CCDC33: variants seen among roughly 807,000 people sequenced by gnomAD.
The protein encoded by CCDC33 is coiled-coil domain containing 33.
A neutral mutation model predicts 91.9 loss-of-function variants in CCDC33; 94 were observed. The observed-to-expected ratio is 1.02, with a 90% CI of 0.87 to 1.21. The LOEUF (loss-of-function observed/expected upper bound fraction) is 1.21. CCDC33 is among the 50% of genes most tolerant of loss of function. The probability of loss-of-function intolerance (pLI) is 0.00; values close to 1 mark genes in which losing one functional copy is unlikely to be tolerated. For synonymous variants in CCDC33, 396 were observed against 374.5 expected, an observed-to-expected ratio of 1.06 and a Z score of -0.66; for missense variants, 940 against 935.5, an observed-to-expected ratio of 1.00 and a Z score of -0.06.
At chr15:74,280,824 G>A (rs1015237690) in intron 9 of CCDC33, 23 bp downstream of exon 9, 4 of 1,447,462 alleles carry the variant, frequency 2.8e-6, no homozygotes, top group Non-Finnish European at 2.7e-6. Context: ...CCCTGAACTG[G>A]GCCCCTAGCG....
intron 3 of CCDC33, 147 bp from the exon 4 acceptor site, chr15:74,266,529 GAT>G: frequency 1.5e-6 from 1 of 655,636 alleles, no homozygotes; most frequent in Non-Finnish European, 2.8e-6. Flanking sequence ...GCACAGGGGT[GAT>G]CCACACATGT....
intron 11 of CCDC33, among the ~76,000 whole-genome samples, chr15:74,307,882 A>G (rs2059919242): frequency 1.3e-5 from 2 of 152,038 alleles, no homozygotes; most frequent in Admixed American, 6.5e-5. Context: ...AGCCACTCCC[A>G]GGCCCCCACC....
chr15:74,226,458 T>C (rs1383507748), intron 2 of CCDC33, among the ~76,000 whole-genome samples: 1 of 152,102 alleles, frequency 6.6e-6, no homozygotes, highest in Non-Finnish European at 1.5e-5. Context: ...TAACAACCCA[T>C]CCCACAAATG....
chr15:74,241,895 T>C (rs1399345735), intron 1 of CCDC33, among the ~76,000 whole-genome samples: 1 of 152,064 alleles, frequency 6.6e-6, no homozygotes, highest in Admixed American at 6.5e-5. Context: ...ACTAGAACAA[T>C]GGCATCGCCA....
chr15:74,242,825 C>T (rs895239522), intron 1 of CCDC33, among the ~76,000 whole-genome samples: 1 of 152,138 alleles, frequency 6.6e-6, no homozygotes, highest in Non-Finnish European at 1.5e-5. Context: ...GCCGTCTTCT[C>T]TGAGTCCCCA....
At position 74,280,026 on chromosome 15, in the gene CCDC33, C is replaced by T. The variant is rs376118208; in HGVS notation, c.823C>T (p.Arg275Ter). The change falls in exon 8 of 19, where the codon CGA becomes TGA. Residue 275 changes from arginine to a stop codon, truncating the protein, a stop_gained. Transcript: ENST00000398814. LOFTEE classifies it high-confidence loss of function. ...GAATCAGTCCTTCCTCTTCCAAGGC[C>T]GAGATGGAGCTACCAGCTTCTCAGA... ...LWNQSFLFQG[R>*]DGATSFSEDT... 9.3e-6 allele frequency: 15 copies of T among 1,614,062 alleles called. No homozygotes were observed. Among genetic ancestry groups the T allele is most frequent in the African/African-American group, 5.3e-5 (4 of 74,922 alleles).
At chr15:74,298,099 G>A (rs2059723689) in intron 11 of CCDC33, among the ~76,000 whole-genome samples, 1 of 152,228 alleles carries the variant, frequency 6.6e-6, no homozygotes, top group African/African-American at 2.4e-5. Flanking sequence ...GAGTCTGCTG[G>A]GTAAAGCATC....
intron 10 of CCDC33, among the ~76,000 whole-genome samples, chr15:74,282,132 G>C (rs1287410255): frequency 6.6e-6 from 1 of 152,188 alleles, no homozygotes; most frequent in African/African-American, 2.4e-5. Context: ...GCAAGGGTGA[G>C]CTAGGATATC....
rs2060090566 is a variant in CCDC33, at chr15:74,316,479, A to G, written c.1291-13710A>G. 6.6e-6 allele frequency among the ~76,000 whole-genome samples: 1 copy of G among 152,246 alleles called. No homozygotes were observed. Among genetic ancestry groups the G allele is most frequent in the Non-Finnish European group, 1.5e-5 (1 of 68,042 alleles). The stretch of plus-strand genomic sequence containing the variant: ...GAGCAGACTCAATCGATTGGCGCAC[A>G]GCAGGCAGGGGAGGACAGGGCCCCT... On this transcript the variant is annotated intron_variant, in intron 11 of 18. Coordinates refer to ENST00000398814, the MANE Select transcript of CCDC33 (RefSeq NM_025055.5). This position sits in a 1 kb window ranked among gnomAD's most constrained non-coding sequence, Gnocchi z 4.7.
At chr15:74,254,732 T>C (rs2075807777) in intron 2 of CCDC33, among the ~76,000 whole-genome samples, 1 of 149,830 alleles carries the variant, frequency 6.7e-6, no homozygotes, top group Non-Finnish European at 1.5e-5. Context: ...CCTCTGCATC[T>C]CTACCCTCCT....
chr15:74,254,058 A>G (rs2075789638), intron 2 of CCDC33, among the ~76,000 whole-genome samples: 1 of 151,700 alleles, frequency 6.6e-6, no homozygotes, highest in Non-Finnish European at 1.5e-5. Flanking sequence ...TTTGAGATGG[A>G]GTCTCACTCT....
intron 11 of CCDC33, chr15:74,301,810 TCCTGTCTCTCTC>T (rs1430178557): frequency 3.9e-5 from 6 of 152,088 alleles, no homozygotes; most frequent in Non-Finnish European, 8.8e-5. Context: ...TCCCTCCTCT[TCCTGTCTCTCTC>T]CCTGTCTCTC....
intron 10 of CCDC33, among the ~76,000 whole-genome samples, chr15:74,293,787 CTTA>C (rs1335071070): frequency 6.6e-6 from 1 of 152,190 alleles, no homozygotes; most frequent in African/African-American, 2.4e-5. Flanking sequence ...TTCCAAGAGT[CTTA>C]TTATAGCTGC....
intron 16 of CCDC33, 190 bp downstream of exon 16, chr15:74,333,035 C>A: frequency 1.3e-6 from 1 of 765,948 alleles, no homozygotes; most frequent in Non-Finnish European, 2.1e-6. Flanking sequence ...TCCCCGAACA[C>A]TTCACCTTTA....
intron 2 of CCDC33, chr15:74,209,552 G>T (rs1567204697): frequency 2.0e-5 from 21 of 1,030,632 alleles, no homozygotes; most frequent in Admixed American, 1.4e-4. Context: ...CTATTCCCAG[G>T]GGAAGTGAAA....
At chr15:74,290,793 G>C (rs1257695697) in intron 10 of CCDC33, among the ~76,000 whole-genome samples, 3 of 152,094 alleles carry the variant, frequency 2.0e-5, no homozygotes, top group African/African-American at 7.2e-5. Context: ...ATCATAAAGT[G>C]GTAGGAAACT....
chr15:74,255,488 G>T (rs2075833561), intron 2 of CCDC33, among the ~76,000 whole-genome samples: 1 of 152,270 alleles, frequency 6.6e-6, no homozygotes, highest in Non-Finnish European at 1.5e-5. Flanking sequence ...GGACAGAGGA[G>T]CAACTGGCCC....
At position 74,268,415 on chromosome 15, in the gene CCDC33, G is replaced by C. The variant is rs775911322; in HGVS notation, c.503G>C (p.Ser168Thr). ...QLYATVVRKS[S>T]FIPRYIGCNH... ...TACGCAACAGTCGTTCGGAAGAGCA[G>C]CTTCATACCCCGCTACATCGGCTGC... Residue 168 changes from serine to threonine, a missense_variant, in exon 5 of 19, where the codon AGC becomes ACC. Coordinates refer to ENST00000398814, the MANE Select transcript of CCDC33 (RefSeq NM_025055.5). The C allele has an allele frequency of 2.5e-6, 4 of 1,600,442 alleles. No individual in the cohort carries two copies. Among genetic ancestry groups the C allele is most frequent in the Non-Finnish European group, 2.6e-6 (3 of 1,173,948 alleles).
rs1376603378 is a variant in CCDC33, at chr15:74,268,465, G to A, written c.546+7G>A. ...CAACCACATGGCTCTGGAGGTACCA[G>A]GGCTGGGGCCCTCTGGGGTGGTGGT... On this transcript the variant is annotated splice_region_variant and intron_variant, in intron 5 of 18. Transcript: ENST00000398814. 1.2e-6 allele frequency: 2 copies of A among 1,602,590 alleles called. No individual in the cohort carries two copies. The highest frequency in any genetic ancestry group is 2.7e-5 in the African/African-American group (2 of 74,082).
Sources: allele counts gnomAD v4.1 joint callset (sites outside exome capture counted in the v4.1 genomes callset), GRCh38; gene constraint gnomAD v4.1.1; non-coding constraint Gnocchi (gnomAD v3.1); transcripts MANE v1.5; gene names NCBI Gene and HGNC (gene_info 2026-07-23, HGNC 2026-07-21).